The following TASP1 variants were observed in gnomAD, a reference collection of about 807,000 sequenced individuals.
TASP1 encodes the protein taspase 1.
Under a neutral mutation model 56.6 loss-of-function variants are expected in TASP1, and 16 were observed. That is an observed-to-expected ratio of 0.28 (90% CI 0.19 to 0.43). TASP1 has a LOEUF of 0.43. Among genes scored for constraint, TASP1 ranks in the 20% least tolerant of loss-of-function variants. The pLI is 1.00. For missense variants in TASP1, 393 were observed against 511.6 expected, an observed-to-expected ratio of 0.77 and a Z score of 2.24; for synonymous variants, 179 against 184.2, an observed-to-expected ratio of 0.97 and a Z score of 0.23.
the TASP1 span, among the ~76,000 whole-genome samples, chr20:13,380,731 G>T: frequency 6.6e-6 from 1 of 152,240 alleles, no homozygotes; most frequent in Non-Finnish European, 1.5e-5. Context: ...TTATCTATAA[G>T]CCCCTGACTG....
chr20:13,589,243 G>C (rs1011246428), intron 4 of TASP1, among the ~76,000 whole-genome samples: 1 of 151,914 alleles, frequency 6.6e-6, no homozygotes, highest in Non-Finnish European at 1.5e-5. Context: ...ATTTTTAGTA[G>C]AGACAGGGTT....
the TASP1 span, among the ~76,000 whole-genome samples, chr20:13,332,747 G>GT: frequency 6.6e-6 from 1 of 152,188 alleles, no homozygotes; most frequent in African/African-American, 2.4e-5. Context: ...AGCATATGTG[G>GT]TTGGCTAACA....
intron 10 of TASP1, among the ~76,000 whole-genome samples, chr20:13,520,862 G>C (rs1452849503): frequency 6.6e-6 from 1 of 152,058 alleles, no homozygotes; most frequent in Non-Finnish European, 1.5e-5. Flanking sequence ...GAAAATTTTT[G>C]CAATCTACTC....
the TASP1 span, among the ~76,000 whole-genome samples, chr20:13,150,167 A>G: frequency 6.6e-6 from 1 of 151,382 alleles, no homozygotes; most frequent in Non-Finnish European, 1.5e-5. Context: ...ATCTCCCCCT[A>G]CTCTTTATGT....
At chr20:13,533,063 A>AAGC (rs1568553483) in intron 9 of TASP1, among the ~76,000 whole-genome samples, 1 of 152,212 alleles carries the variant, frequency 6.6e-6, no homozygotes, top group African/African-American at 2.4e-5. Context: ...AGAGCAGATC[A>AAGC]AACAACACCA....
At chr20:13,128,437 C>A in the TASP1 span, among the ~76,000 whole-genome samples, 1 of 152,166 alleles carries the variant, frequency 6.6e-6, no homozygotes, top group Admixed American at 6.5e-5. Flanking sequence ...AGTGCTTGTC[C>A]TTGAAGACAG....
the TASP1 span, among the ~76,000 whole-genome samples, chr20:13,119,360 G>T: frequency 6.6e-6 from 1 of 152,258 alleles, no homozygotes; most frequent in South Asian, 2.1e-4. Context: ...CTCGCGACTA[G>T]CAGAAGTAAA....
In TASP1 at chr20:13,622,930, G is replaced by GT. The variant is rs1186885810; in HGVS notation, c.282+515dup. On this transcript the variant is annotated intron_variant, in intron 4 of 13. Transcript: ENST00000337743. ...TAGAGTATAAAAAATTATGGCAAAC[G>GT]TGAGAGCCTCCCCACTCAATTATTC... Among the ~76,000 whole-genome samples, 16 of 152,168 alleles carry GT rather than the reference G, an allele frequency of 1.1e-4. No homozygotes were observed. The South Asian group carries it at 2.1e-3, about 20-fold the overall frequency.
At chr20:13,606,136 C>CGT (rs33951824) in intron 4 of TASP1, among the ~76,000 whole-genome samples, 1,958 of 150,514 alleles carry the variant, frequency 0.013, 20 homozygotes, top group Non-Finnish European at 0.022. Context: ...TGTGTGCGTG[C>CGT]GTGTGTGTGT....
chr20:13,438,852 A>C (rs1052182600), intron 11 of TASP1, among the ~76,000 whole-genome samples: 1 of 152,246 alleles, frequency 6.6e-6, no homozygotes, highest in Non-Finnish European at 1.5e-5. Flanking sequence ...AAAGGATATG[A>C]ACAGACACTT....
chr20:13,637,056 T>TTTA (rs2049336306), intron 1 of TASP1, among the ~76,000 whole-genome samples: 1 of 152,178 alleles, frequency 6.6e-6, no homozygotes, highest in African/African-American at 2.4e-5. Context: ...ACAACTTTAA[T>TTTA]ATAAGACAAT....
intron 3 of TASP1, 117 bp downstream of exon 3, chr20:13,625,068 T>C: frequency 4.5e-6 from 3 of 659,590 alleles, no homozygotes; most frequent in Non-Finnish European, 7.1e-6. Context: ...CAAAATAATT[T>C]TGTAGTCCAA....
At chr20:13,529,845 A>C (rs1263989102) in intron 9 of TASP1, among the ~76,000 whole-genome samples, 1 of 152,170 alleles carries the variant, frequency 6.6e-6, no homozygotes, top group Non-Finnish European at 1.5e-5. Context: ...CATTCGCTCC[A>C]ATATTCTACC....
the TASP1 span, among the ~76,000 whole-genome samples, chr20:13,178,361 C>A: frequency 1.3e-5 from 2 of 152,032 alleles, no homozygotes; most frequent in South Asian, 2.1e-4. Flanking sequence ...CCCCAAAAAA[C>A]CTCAAATAGA....
the TASP1 span, chr20:13,299,115 G>A: frequency 1.3e-5 from 21 of 1,613,190 alleles, no homozygotes; most frequent in Non-Finnish European, 1.4e-5. This position sits in a 1 kb window ranked among gnomAD's most constrained non-coding sequence, Gnocchi z 5.8. Context: ...CTGGAAGGAC[G>A]CCAGCGGGCC....
chr20:13,464,249 T>C (rs1487571340), intron 11 of TASP1, among the ~76,000 whole-genome samples: 1 of 152,112 alleles, frequency 6.6e-6, no homozygotes, highest in Non-Finnish European at 1.5e-5. Flanking sequence ...TAATCCAACA[T>C]GGCTTGTGTC....
chr20:13,384,569 T>C (rs2041150618), downstream of TASP1, among the ~76,000 whole-genome samples: 1 of 152,170 alleles, frequency 6.6e-6, no homozygotes, highest in African/African-American at 2.4e-5. Flanking sequence ...ATCTGGCTAA[T>C]ACCTTGCGGA....
At chr20:13,364,647 T>C in the TASP1 span, among the ~76,000 whole-genome samples, 1 of 151,438 alleles carries the variant, frequency 6.6e-6, no homozygotes, top group Non-Finnish European at 1.5e-5. Flanking sequence ...ACCCCCGAGA[T>C]GGGTCAACTT....
intron 13 of TASP1, among the ~76,000 whole-genome samples, chr20:13,403,580 T>A (rs1160857207): frequency 1.3e-5 from 2 of 152,202 alleles, no homozygotes. Context: ...ATCAAAGTTG[T>A]AACTTGCCCC....
Sources: allele counts gnomAD v4.1 joint callset (sites outside exome capture counted in the v4.1 genomes callset), GRCh38; gene constraint gnomAD v4.1.1; non-coding constraint Gnocchi (gnomAD v3.1); transcripts MANE v1.5; gene names NCBI Gene and HGNC (gene_info 2026-07-23, HGNC 2026-07-21).